The following DNAH10 variants were observed in gnomAD, a reference collection of about 807,000 sequenced individuals.
DNAH10 encodes dynein axonemal heavy chain 10.
A neutral mutation model predicts 506.6 loss-of-function variants in DNAH10; 348 were observed. That is an observed-to-expected ratio of 0.69 (90% CI 0.63 to 0.75). DNAH10 has a LOEUF of 0.75. DNAH10 is among the 30% of genes least tolerant of loss of function. The pLI, the probability that DNAH10 is intolerant of heterozygous loss-of-function variation, is 0.00. For synonymous variants in DNAH10, 2,059 were observed against 2,198.6 expected (o/e 0.94, Z 1.78); for missense variants, 5,179 against 5,787.1 (o/e 0.89, Z 3.41).
chr12:123,785,581 G>A lies in DNAH10; in HGVS notation c.1231-165G>A, dbSNP rs1454123831. 6.7e-6 allele frequency among the ~76,000 whole-genome samples: 1 copy of A among 149,244 alleles called. No homozygotes were observed. ...AGTCCGCAGGGGAGTCGAGGCTGCA[G>A]TAAGCCATGTTTGTGCCATTGCACT... On this transcript the variant is annotated intron_variant, in intron 8 of 78. Coordinates refer to ENST00000673944, the MANE Select transcript of DNAH10 (RefSeq NM_001372106.1). The surrounding 1 kb of genome is among the most constrained non-coding windows in gnomAD (Gnocchi z 4.1).
chr12:123,914,612 G>T, intron 61 of DNAH10, 62 bp downstream of exon 61: 1 of 1,526,550 alleles, frequency 6.6e-7, no homozygotes, highest in Non-Finnish European at 8.8e-7. Flanking sequence ...GTCTACGTGG[G>T]TGTCACCCTG....
intron 2 of DNAH10, among the ~76,000 whole-genome samples, chr12:123,770,914 C>G (rs1957226983): frequency 6.6e-6 from 1 of 151,752 alleles, no homozygotes; most frequent in South Asian, 2.1e-4. Flanking sequence ...CTTCTTGTCC[C>G]TCACAAGTTT....
chr12:123,917,799 T>C lies in DNAH10; in HGVS notation c.11218T>C (p.Ser3740Pro). ...GGTGCACACCCTGGAGGAGACCAAA[T>C]CCAAGGCAACAGAGGTAGCAACCAC... ...DLVHTLEETKSKATEVSEKLK... is the reference protein window; with the variant it reads ...DLVHTLEETKPKATEVSEKLK... Residue 3740 changes from serine (S) to proline (P), a missense_variant, in exon 64 of 79, where the codon TCC becomes CCC. Around this residue, in one of 3 missense-constraint regions of DNAH10, gnomAD observed 4,844 missense variants for 5,430.5 expected, o/e 0.89. Transcript: ENST00000673944. This position sits in a 1 kb window ranked among gnomAD's most constrained non-coding sequence, Gnocchi z 5.6. 1 of 1,573,152 alleles carries C rather than the reference T, an allele frequency of 6.4e-7. No homozygotes were observed.
intron 38 of DNAH10, among the ~76,000 whole-genome samples, chr12:123,859,712 A>G (rs556857900): frequency 2.0e-5 from 3 of 152,258 alleles, no homozygotes; most frequent in East Asian, 3.9e-4. Context: ...TTCACGAAGG[A>G]AAAAGTGATC....
At position 123,881,722 on chromosome 12, in the gene DNAH10, G is replaced by T. The variant is rs148844278; in HGVS notation, c.8732G>T (p.Arg2911Leu). ...EHLTRVHRII[R>L]MDRGHALLVG... ...TTAACCCGGGTGCACCGTATCATCC[G>T]CATGGACCGCGGCCACGCCCTGCTG... Residue 2911 changes from arginine (R) to leucine (L), a missense_variant, in exon 51 of 79, where the codon CGC becomes CTC. Around this residue, in one of 3 missense-constraint regions of DNAH10, gnomAD observed 4,844 missense variants for 5,430.5 expected, o/e 0.89. Coordinates refer to ENST00000673944, the MANE Select transcript of DNAH10 (RefSeq NM_001372106.1). 283 of 1,548,612 alleles carry T rather than the reference G, an allele frequency of 1.8e-4. 1 individual carries two copies. The highest frequency in any genetic ancestry group is 6.7e-4 in the Middle Eastern group (4 of 5,988).
At chr12:123,841,583 A>G (rs1481049484) in intron 30 of DNAH10, 38 bp downstream of exon 30, 2 of 1,566,068 alleles carry the variant, frequency 1.3e-6, no homozygotes, top group Admixed American at 1.7e-5. Flanking sequence ...GCTCTATCCA[A>G]TTCATAGTCA....
chr12:123,851,409 C>T (rs539662021), intron 35 of DNAH10, among the ~76,000 whole-genome samples: 3 of 151,932 alleles, frequency 2.0e-5, no homozygotes, highest in South Asian at 4.1e-4. Flanking sequence ...GTGTCAGCTC[C>T]GTGTGGCTCT....
intron 52 of DNAH10, 109 bp downstream of exon 52, chr12:123,887,422 G>T (rs941795976): frequency 1.6e-5 from 21 of 1,310,368 alleles, no homozygotes; most frequent in Non-Finnish European, 3.0e-6. Flanking sequence ...GCCCTGTGCG[G>T]GTGTACCTGT....
At position 123,868,056 on chromosome 12, in the gene DNAH10, C is replaced by T. The variant is rs187770348; in HGVS notation, c.7456C>T (p.Arg2486Cys). ...GATGAAATTTGACGAATATATCAAA[C>T]GCCTTGCTTCTTTGTCTACTGTTGA... ...GRMKFDEYIK[R>C]LASLSTVDTE... is the part of the protein sequence containing the mutation. The change falls in exon 43 of 79, where the codon CGC becomes TGC. Residue 2486 changes from arginine to cysteine, a missense_variant. Arg to Cys is a radical substitution (Grantham distance 180, BLOSUM62 -3). Around this residue, in one of 3 missense-constraint regions of DNAH10, gnomAD observed 4,844 missense variants for 5,430.5 expected, o/e 0.89. Transcript: ENST00000673944. 5.4e-4 allele frequency: 877 copies of T among 1,613,958 alleles called. 2 individuals are homozygous for T. Among genetic ancestry groups the T allele is most frequent in the Admixed American group, 1.3e-3 (78 of 60,016 alleles).
chr12:123,850,690 T>A lies in DNAH10; in HGVS notation c.6103-198T>A, dbSNP rs1463037335. Among the ~76,000 whole-genome samples the A allele has an allele frequency of 6.6e-6, 1 of 152,160 alleles. No individual in the cohort carries two copies. Among genetic ancestry groups the A allele is most frequent in the Non-Finnish European group, 1.5e-5 (1 of 68,016 alleles). On this transcript the variant is annotated intron_variant, in intron 34 of 78. Transcript: ENST00000673944. The surrounding 1 kb of genome is among the most constrained non-coding windows in gnomAD (Gnocchi z 5.5). The stretch of plus-strand genomic sequence containing the variant: ...TTCAGGTCTGAGTTTGGGGTTCCAC[T>A]GAGACCTGCCCTCCCCAAGGCCTTC...
chr12:123,932,043 A>G lies in DNAH10; in HGVS notation c.13231A>G (p.Thr4411Ala). 6.2e-7 allele frequency: 1 copy of G among 1,613,926 alleles called. No individual in the cohort carries two copies. The highest frequency in any genetic ancestry group is 8.5e-7 in the Non-Finnish European group (1 of 1,179,882). ...TATCTGGAGAAGGCTTGCTCCTGAC[A>G]CCTTAAAGTCCCTTGGAAACTGGAT... is the stretch of plus-strand genomic sequence containing the variant. ...PNIWRRLAPD[T>A]LKSLGNWMVY... Residue 4411 changes from threonine to alanine, a missense_variant, in exon 76 of 79, where the codon ACC becomes GCC. This residue lies in a region of DNAH10 where 4,844 missense variants were observed against 5,430.5 expected (regional missense o/e 0.89). Transcript: ENST00000673944.
intron 67 of DNAH10, among the ~76,000 whole-genome samples, chr12:123,924,640 G>A (rs947648775): frequency 2.6e-5 from 4 of 151,582 alleles, no homozygotes; most frequent in Non-Finnish European, 4.4e-5. Flanking sequence ...CTGTCCGTCC[G>A]TCCATCCATC....
chr12:123,785,912 T>C lies in DNAH10; in HGVS notation c.1397T>C (p.Val466Ala). The change falls in exon 9 of 79, where the codon GTG (valine) becomes GCG (alanine). Residue 466 changes from valine (V) to alanine (A), a missense_variant. By Grantham distance (64) the Val-to-Ala change is moderately conservative. Transcript: ENST00000673944. The surrounding 1 kb of genome is among the most constrained non-coding windows in gnomAD (Gnocchi z 4.1). ...GAAATCGCTGAGAGAGTCTGCCGAG[T>C]GGTCAACCTGCGGACTTTGTTCAAG... Reference protein sequence around the residue: ...AWEIAERVCRVVNLRTLFKEN... With the variant: ...AWEIAERVCRAVNLRTLFKEN... 1 of 1,613,010 alleles carries C rather than the reference T, an allele frequency of 6.2e-7. No homozygotes were observed. The highest frequency in any genetic ancestry group is 8.5e-7 in the Non-Finnish European group (1 of 1,179,066).
At position 123,833,158 on chromosome 12, in the gene DNAH10, T is replaced by C; in HGVS notation, c.4590T>C (p.Thr1530=). Residue 1530 remains threonine, a synonymous_variant, in exon 27 of 79, where the codon ACT becomes ACC. Coordinates refer to ENST00000673944, the MANE Select transcript of DNAH10 (RefSeq NM_001372106.1). ...ILDTWENMKF[T]VVKYCKGTQE... ...ACACGTGGGAAAATATGAAATTCAC[T>C]GTAGTCAAGTATTGCAAAGGCACAC... The C allele has an allele frequency of 2.5e-6, 4 of 1,613,672 alleles. No individual in the cohort carries two copies. The highest frequency in any genetic ancestry group is 2.2e-5 in the East Asian group (1 of 44,882).
Position 123,935,613 on chromosome 12 carries a change from C to T in DNAH10, c.*132C>T, listed in dbSNP as rs1419368688. ...ACACTGATTTTTCATTTGAAATCAG[C>T]CACTTAAATCTCTTTCCATACAAAT... On this transcript the variant is annotated 3_prime_UTR_variant, in exon 79 of 79. Coordinates refer to ENST00000673944, the MANE Select transcript of DNAH10 (RefSeq NM_001372106.1). The T allele has an allele frequency of 2.1e-6, 2 of 957,934 alleles. No individual in the cohort carries two copies. Among genetic ancestry groups the T allele is most frequent in the East Asian group, 4.9e-5 (2 of 40,826 alleles). The allele number at this position is 957,934 out of a possible 1,614,324, so 59.3% of individuals were successfully genotyped here. A position where few individuals can be genotyped will look rare whatever the true frequency, so the allele number is the denominator to read the frequency against.
At chr12:123,796,995 C>G (rs1958302813) in intron 13 of DNAH10, among the ~76,000 whole-genome samples, 163 bp downstream of exon 13, 1 of 152,074 alleles carries the variant, frequency 6.6e-6, no homozygotes, top group South Asian at 2.1e-4. Flanking sequence ...CTCAGCCTCC[C>G]AAGTAGCTGG....
At chr12:123,879,923 A>G in intron 50 of DNAH10, 122 bp downstream of exon 50, 1 of 1,183,390 alleles carries the variant, frequency 8.5e-7, no homozygotes. Context: ...AGGGCTTGAA[A>G]TACGGGCTTG....
intron 1 of DNAH10, among the ~76,000 whole-genome samples, chr12:123,767,395 T>C (rs78441107): frequency 0.052 from 7,906 of 152,288 alleles, 275 homozygotes; most frequent in African/African-American, 0.089. Context: ...TCTGTATCCT[T>C]CGTCTCTTGG....
At chr12:123,918,096 G>C (rs1954565810) in intron 64 of DNAH10, among the ~76,000 whole-genome samples, 1 of 152,224 alleles carries the variant, frequency 6.6e-6, no homozygotes, top group Non-Finnish European at 1.5e-5. Context: ...AAAGTTCAGA[G>C]ATGGCCTCAG....
Sources: gnomAD v4.1 joint callset for allele counts (sites outside exome capture counted in the v4.1 genomes callset) on GRCh38, gnomAD v4.1.1 for gene constraint, gnomAD v4.1.1 regional missense constraint, Gnocchi (gnomAD v3.1) non-coding constraint, MANE v1.5 for transcripts, NCBI Gene and HGNC (gene_info 2026-07-23, HGNC 2026-07-21) for gene names.